FBXW8: variants seen among roughly 807,000 people sequenced by gnomAD.
FBXW8 encodes the protein F-box and WD repeat domain containing 8.
In FBXW8, 57 loss-of-function variants were observed where a neutral mutation model predicts 65.3. That is an observed-to-expected ratio of 0.87 (90% confidence interval 0.71 to 1.09). FBXW8 has a LOEUF of 1.09. Ranked by LOEUF, FBXW8 falls within the 50% of genes least tolerant of loss-of-function variation. The probability of loss-of-function intolerance (pLI) is 0.00; values close to 1 mark genes in which losing one functional copy is unlikely to be tolerated. For missense variants in FBXW8, 777 were observed against 814.8 expected, an observed-to-expected ratio of 0.95 and a Z score of 0.57; for synonymous variants, 308 against 330.2, an observed-to-expected ratio of 0.93 and a Z score of 0.73.
chr12:116,985,088 G>A (rs1450428849), intron 5 of FBXW8, 118 bp from the exon 6 acceptor site: 4 of 748,254 alleles, frequency 5.3e-6, no homozygotes, highest in Non-Finnish European at 4.3e-6. Context: ...TTTAGACTTG[G>A]GTCTCATTTC....
chr12:116,943,510 A>G (rs1260653820), intron 2 of FBXW8, among the ~76,000 whole-genome samples: 1 of 152,170 alleles, frequency 6.6e-6, no homozygotes. Context: ...AGATTTCCTT[A>G]AATCCACTGA....
chr12:116,937,954 G>T (rs1415879700), intron 2 of FBXW8, among the ~76,000 whole-genome samples: 4 of 152,060 alleles, frequency 2.6e-5, no homozygotes, highest in African/African-American at 9.7e-5. Flanking sequence ...ACTCGGTGGG[G>T]CTTTACTGAG....
At chr12:117,021,603 G>A (rs994978541) in intron 8 of FBXW8, among the ~76,000 whole-genome samples, 3 of 152,172 alleles carry the variant, frequency 2.0e-5, no homozygotes, top group African/African-American at 7.2e-5. Flanking sequence ...GCCTCTAACT[G>A]CTGTTACAAA....
At chr12:116,993,098 CTTTTTTT>C (rs71099026) in intron 7 of FBXW8, among the ~76,000 whole-genome samples, 1 of 85,420 alleles carries the variant, frequency 1.2e-5, no homozygotes, top group Non-Finnish European at 2.1e-5. Context: ...TGATTTTTGA[CTTTTTTT>C]TTTTTTTTTT....
In FBXW8 at chr12:117,028,341, C is replaced by A. The variant is rs1366487503; in HGVS notation, c.*169C>A. 2.5e-6 allele frequency: 2 copies of A among 784,928 alleles called. No individual in the cohort carries two copies. Among genetic ancestry groups the A allele is most frequent in the Non-Finnish European group, 4.0e-6 (2 of 505,844 alleles). 48.6% of individuals were successfully genotyped at this position (784,928 alleles called of 1,614,324 possible). On this transcript the variant is annotated 3_prime_UTR_variant, in exon 11 of 11. Transcript: ENST00000652555. The surrounding 1 kb of genome is among the most constrained non-coding windows in gnomAD (Gnocchi z 4.1). ...CTGACCCCTGCACTTCCCCCAGCGC[C>A]TGGGGCAAGCTGGCGTGTGCCAGGG...
At chr12:116,916,279 C>T (rs1020451877) in intron 1 of FBXW8, among the ~76,000 whole-genome samples, 2 of 152,178 alleles carry the variant, frequency 1.3e-5, no homozygotes, top group Non-Finnish European at 2.9e-5. Flanking sequence ...TAGATACTGA[C>T]AGTTTTCCAA....
intron 1 of FBXW8, among the ~76,000 whole-genome samples, chr12:116,920,975 A>G (rs1007322967): frequency 3.3e-5 from 5 of 152,100 alleles, no homozygotes; most frequent in African/African-American, 1.2e-4. Context: ...CTCAGATCCC[A>G]GTTTAGACTA....
intron 2 of FBXW8, among the ~76,000 whole-genome samples, chr12:116,943,656 A>T (rs1366666051): frequency 6.6e-6 from 1 of 152,096 alleles, no homozygotes; most frequent in African/African-American, 2.4e-5. Context: ...CAGAGGGGAG[A>T]GGTTAGGGCC....
chr12:116,929,303 C>T (rs113020530), intron 2 of FBXW8, among the ~76,000 whole-genome samples: 51 of 152,126 alleles, frequency 3.4e-4, no homozygotes, highest in African/African-American at 1.2e-3. Flanking sequence ...GGCGCGATCT[C>T]GGCTTCCTGC....
chr12:117,030,721 AGTC>A lies in FBXW8; in HGVS notation c.*2551_*2553del, dbSNP rs1954339591. 1 of 152,152 alleles carries A rather than the reference AGTC, an allele frequency of 6.6e-6. No individual in the cohort carries two copies. The highest frequency in any genetic ancestry group is 1.5e-5 in the Non-Finnish European group (1 of 68,010). 9.4% of individuals were successfully genotyped at this position (152,152 alleles called of 1,614,324 possible). A position where few individuals can be genotyped will look rare whatever the true frequency, so the allele number is the denominator to read the frequency against. ...TTCTAACGTACCTGCCATTCGTGGA[AGTC>A]GCCTGGGTTTTGTAAAGGAGAATTT... On this transcript the variant is annotated 3_prime_UTR_variant, in exon 11 of 11. Coordinates refer to ENST00000652555, the MANE Select transcript of FBXW8 (RefSeq NM_153348.3).
Position 116,949,972 on chromosome 12 carries a change from G to T in FBXW8, c.677+266G>T, listed in dbSNP as rs1883174594. 12 of 398,330 alleles carry T rather than the reference G, an allele frequency of 3.0e-5. No individual in the cohort carries two copies. The Admixed American group carries it at 4.6e-4, about 15-fold the overall frequency. The allele number at this position is 398,330 out of a possible 1,614,324, so 24.7% of individuals were successfully genotyped here. On this transcript the variant is annotated intron_variant, in intron 4 of 10. Coordinates refer to ENST00000652555, the MANE Select transcript of FBXW8 (RefSeq NM_153348.3). ...TCCCAGCTTTTAAATCACTCTTGTG[G>T]CATGTTATGTGAGATTTTCATTAAG...
chr12:116,999,893 A>G (rs551263849), intron 7 of FBXW8, among the ~76,000 whole-genome samples: 2 of 152,168 alleles, frequency 1.3e-5, no homozygotes, highest in African/African-American at 4.8e-5. Flanking sequence ...AGTCCTACTT[A>G]ACAGAAGCAG....
At chr12:117,024,714 G>T (rs1954185018) in intron 9 of FBXW8, among the ~76,000 whole-genome samples, 1 of 152,142 alleles carries the variant, frequency 6.6e-6, no homozygotes, top group Non-Finnish European at 1.5e-5. Context: ...ACCAGGATGT[G>T]ACACCCCACC....
chr12:116,991,031 G>C (rs1000459802), intron 7 of FBXW8, among the ~76,000 whole-genome samples: 4 of 152,118 alleles, frequency 2.6e-5, no homozygotes, highest in African/African-American at 4.8e-5. Flanking sequence ...TGGTGTTTTC[G>C]CTGGTGTTTT....
chr12:116,947,921 G>A (rs976665057), intron 3 of FBXW8, among the ~76,000 whole-genome samples: 2 of 152,092 alleles, frequency 1.3e-5, no homozygotes, highest in Non-Finnish European at 2.9e-5. Flanking sequence ...CCTGGTCCAC[G>A]CTCAGTGCTC....
At position 117,000,015 on chromosome 12, in the gene FBXW8, G is replaced by A. The variant is rs921555120; in HGVS notation, c.1240-10308G>A. ...TTTTTTTTTTTTGAGACGGAGTCTC[G>A]CTGTCTCCCAGGCTGGAGCGCAGTG... On this transcript the variant is annotated intron_variant, in intron 7 of 10. Coordinates refer to ENST00000652555, the MANE Select transcript of FBXW8 (RefSeq NM_153348.3). 3.0e-5 allele frequency among the ~76,000 whole-genome samples: 4 copies of A among 131,732 alleles called. No individual in the cohort carries two copies. In the East Asian group the frequency reaches 6.8e-4, roughly 22 times the overall value. 86.4% of individuals were successfully genotyped at this position (131,732 alleles called of 152,430 possible). A position where few individuals can be genotyped will look rare whatever the true frequency, so the allele number is the denominator to read the frequency against.
At chr12:116,982,416 C>T (rs1885366371) in intron 5 of FBXW8, among the ~76,000 whole-genome samples, 2 of 152,140 alleles carry the variant, frequency 1.3e-5, no homozygotes, top group Non-Finnish European at 2.9e-5. Context: ...GATAAAGAAT[C>T]AACTCATCAA....
At chr12:117,001,744 C>T (rs1953526869) in intron 7 of FBXW8, among the ~76,000 whole-genome samples, 1 of 152,130 alleles carries the variant, frequency 6.6e-6, no homozygotes, top group Admixed American at 6.5e-5. Flanking sequence ...ATTTTCAGCT[C>T]CCAGTCAGTC....
intron 2 of FBXW8, among the ~76,000 whole-genome samples, chr12:116,933,718 G>C (rs550434482): frequency 1.3e-5 from 2 of 152,302 alleles, no homozygotes; most frequent in South Asian, 4.1e-4. Flanking sequence ...GTTTTATGGA[G>C]CTCTTACATG....
Sources: gnomAD v4.1 joint callset for allele counts (sites outside exome capture counted in the v4.1 genomes callset) on GRCh38, gnomAD v4.1.1 for gene constraint, Gnocchi (gnomAD v3.1) non-coding constraint, MANE v1.5 for transcripts, NCBI Gene and HGNC (gene_info 2026-07-23, HGNC 2026-07-21) for gene names.